Variants in DPP6 observed in about 807,000 individuals in gnomAD.
DPP6 encodes dipeptidyl peptidase like 6.
In DPP6, 69 loss-of-function variants were observed where a neutral mutation model predicts 122.6. The ratio of observed to expected loss-of-function variants is 0.56; its 90% CI spans 0.46 to 0.69. The LOEUF (loss-of-function observed/expected upper bound fraction) is 0.69, where lower values mean the gene tolerates loss of function less well. Ranked by LOEUF, DPP6 falls within the 30% of genes least tolerant of loss-of-function variation. The pLI is 0.00. For missense variants in DPP6, 928 were observed against 1,116.9 expected, an observed-to-expected ratio of 0.83 and a Z score of 2.41; for synonymous variants, 418 against 433.1, an observed-to-expected ratio of 0.97 and a Z score of 0.43.
chr7:154,275,671 A>C (rs936477652), intron 1 of DPP6, among the ~76,000 whole-genome samples: 3 of 152,236 alleles, frequency 2.0e-5, no homozygotes, highest in African/African-American at 7.2e-5. Context: ...TGTCCCCTGC[A>C]GATGTGAGGA....
At chr7:154,488,799 T>C (rs1229915480) in intron 3 of DPP6, among the ~76,000 whole-genome samples, 1 of 152,086 alleles carries the variant, frequency 6.6e-6, no homozygotes, top group Non-Finnish European at 1.5e-5. Flanking sequence ...TTTTAAATAT[T>C]TGGGGTGTGA....
At chr7:153,944,038 G>A (rs60481350) in intron 1 of DPP6, among the ~76,000 whole-genome samples, 2,931 of 152,248 alleles carry the variant, frequency 0.019, 91 homozygotes, top group African/African-American at 0.067. Context: ...CTGTGTTCAT[G>A]GAAATCGGTC....
intron 1 of DPP6, among the ~76,000 whole-genome samples, chr7:154,418,319 T>G (rs1817195254): frequency 1.3e-5 from 2 of 152,382 alleles, no homozygotes; most frequent in Non-Finnish European, 2.9e-5. Flanking sequence ...TAAGTTCTTC[T>G]TACAAGATTG....
chr7:154,019,980 C>T (rs2533822), intron 1 of DPP6, among the ~76,000 whole-genome samples: 81 of 152,174 alleles, frequency 5.3e-4, no homozygotes, highest in African/African-American at 1.7e-3. Flanking sequence ...TGAGTGATCA[C>T]GTGGAATCTC....
intron 1 of DPP6, among the ~76,000 whole-genome samples, chr7:154,199,630 G>A (rs1799062810): frequency 6.7e-6 from 1 of 148,298 alleles, no homozygotes; most frequent in South Asian, 2.1e-4. Context: ...TTTTTTTTGA[G>A]ATGGAGTCTT....
At chr7:153,870,224 T>C in the DPP6 span, among the ~76,000 whole-genome samples, 8 of 152,238 alleles carry the variant, frequency 5.3e-5, no homozygotes, top group Non-Finnish European at 8.8e-5. Flanking sequence ...GAAGTTCTCC[T>C]GGATAATATC....
chr7:154,779,016 CCA>C, intron 10 of DPP6, among the ~76,000 whole-genome samples: 1 of 906 alleles, frequency 1.1e-3, no homozygotes, highest in African/African-American at 3.6e-3. Context: ...CACCAGCACC[CCA>C]CCATCACCTC....
Position 154,062,928 on chromosome 7 carries a change from T to G in DPP6, c.243+9865T>G, listed in dbSNP as rs372750740. Among the ~76,000 whole-genome samples, 77 of 132,104 alleles carry G rather than the reference T, an allele frequency of 5.8e-4. 12 individuals are homozygous for G. The highest frequency in any genetic ancestry group is 7.1e-4 in the Non-Finnish European group (43 of 60,588). 86.7% of individuals were successfully genotyped at this position (132,104 alleles called of 152,430 possible). ...GGACCCACCTGGAGGACTGTGGGTG[T>G]TAGTTGTCCAGGTAGAAATTTCAAA... On this transcript the variant is annotated intron_variant, in intron 1 of 25. Coordinates refer to ENST00000377770, the MANE Select transcript of DPP6 (RefSeq NM_130797.4).
intron 1 of DPP6, among the ~76,000 whole-genome samples, chr7:154,260,121 G>A (rs990505737): frequency 6.6e-6 from 1 of 152,254 alleles, no homozygotes; most frequent in Non-Finnish European, 1.5e-5. Flanking sequence ...GGAAGCAATG[G>A]ATGGAAAAAT....
chr7:154,243,819 G>A (rs1801804450), intron 1 of DPP6, among the ~76,000 whole-genome samples: 1 of 151,558 alleles, frequency 6.6e-6, no homozygotes, highest in African/African-American at 2.4e-5. Context: ...AAGAGTGGCA[G>A]AAGAAATGCT....
chr7:154,683,210 G>T (rs1281855408), intron 7 of DPP6, among the ~76,000 whole-genome samples: 2 of 152,134 alleles, frequency 1.3e-5, no homozygotes, highest in African/African-American at 4.8e-5. Context: ...CACTATGCAT[G>T]TTGGTGAGCT....
At chr7:154,779,144 AC>A (rs199911846) in intron 10 of DPP6, among the ~76,000 whole-genome samples, 1 of 83,932 alleles carries the variant, frequency 1.2e-5, no homozygotes, top group Non-Finnish European at 2.5e-5. Context: ...TATCACCACC[AC>A]CCCCACCATC....
chr7:154,351,606 A>G (rs1250649366), intron 1 of DPP6, among the ~76,000 whole-genome samples: 1 of 152,142 alleles, frequency 6.6e-6, no homozygotes, highest in Non-Finnish European at 1.5e-5. Flanking sequence ...AGCAGGGTGT[A>G]CCCTGTGCCA....
At chr7:154,318,111 A>G (rs544152070) in intron 1 of DPP6, among the ~76,000 whole-genome samples, 44 of 152,364 alleles carry the variant, frequency 2.9e-4, no homozygotes, top group African/African-American at 1.1e-3. Flanking sequence ...ATTACACTGG[A>G]GATTTTGAAA....
At chr7:153,858,530 T>C in the DPP6 span, among the ~76,000 whole-genome samples, 1 of 152,140 alleles carries the variant, frequency 6.6e-6, no homozygotes, top group Non-Finnish European at 1.5e-5. Flanking sequence ...CACTCTGCAT[T>C]CCCTAGATCA....
chr7:154,888,087 CT>C (rs532540671), intron 23 of DPP6, among the ~76,000 whole-genome samples: 25,025 of 118,776 alleles, frequency 0.21, 2,202 homozygotes, highest in East Asian at 0.41. Flanking sequence ...GGAGAGTGAG[CT>C]TTTTTTTTTT....
At chr7:153,894,963 A>G (rs2128995462) in intron 1 of DPP6, among the ~76,000 whole-genome samples, 1 of 152,312 alleles carries the variant, frequency 6.6e-6, no homozygotes, top group African/African-American at 2.4e-5. Context: ...CAGAGAACAC[A>G]GAATAAGGAG....
intron 1 of DPP6, among the ~76,000 whole-genome samples, chr7:153,944,831 A>G (rs1424793581): frequency 6.6e-6 from 1 of 151,984 alleles, no homozygotes; most frequent in Non-Finnish European, 1.5e-5. Flanking sequence ...GGGTTTCACC[A>G]TGTTAACCAG....
At chr7:154,842,918 G>T (rs1024917088) in intron 16 of DPP6, among the ~76,000 whole-genome samples, 2 of 152,216 alleles carry the variant, frequency 1.3e-5, no homozygotes, top group Non-Finnish European at 2.9e-5. Context: ...CAGCCACGAG[G>T]CAGGCTTATT....
Sources: gnomAD v4.1 joint callset for allele counts (sites outside exome capture counted in the v4.1 genomes callset) on GRCh38, gnomAD v4.1.1 for gene constraint, MANE v1.5 for transcripts, NCBI Gene and HGNC (gene_info 2026-07-23, HGNC 2026-07-21) for gene names.